Variants in PWWP2B observed in about 807,000 individuals in gnomAD.
PWWP2B encodes PWWP domain containing 2B, also known as PWWP domain-containing protein 2B.
A neutral mutation model predicts 15.5 loss-of-function variants in PWWP2B; 9 were observed. The observed-to-expected ratio is 0.58, with a 90% CI of 0.35 to 1.02. The LOEUF is 1.02. Ranked by LOEUF, PWWP2B falls within the 50% of genes least tolerant of loss-of-function variation. The pLI, the probability that PWWP2B is intolerant of heterozygous loss-of-function variation, is 0.02. For missense variants in PWWP2B, 864 were observed against 865.3 expected, an observed-to-expected ratio of 1.00 and a Z score of 0.02; for synonymous variants, 474 against 403.6, an observed-to-expected ratio of 1.17 and a Z score of -2.09.
chr10:132,415,891 T>G (rs1042154234), intron 2 of PWWP2B, among the ~76,000 whole-genome samples: 1 of 152,070 alleles, frequency 6.6e-6, no homozygotes, highest in South Asian at 2.1e-4. Context: ...TTGTTTACAG[T>G]GTTGTCACTC....
chr10:132,397,821 T>G (rs2069558629), intron 1 of PWWP2B, among the ~76,000 whole-genome samples: 1 of 151,958 alleles, frequency 6.6e-6, no homozygotes, highest in African/African-American at 2.4e-5. Context: ...AGGTTTGGAT[T>G]CGGGGAGAGC....
At chr10:132,403,509 C>T (rs1022596484) in intron 1 of PWWP2B, among the ~76,000 whole-genome samples, 3 of 152,302 alleles carry the variant, frequency 2.0e-5, no homozygotes, top group East Asian at 1.9e-4. Context: ...GCTTGTTGGG[C>T]GGGATGAGGC....
intron 2 of PWWP2B, among the ~76,000 whole-genome samples, chr10:132,408,581 C>T (rs986631275): frequency 4.6e-5 from 7 of 152,194 alleles, no homozygotes; most frequent in African/African-American, 7.2e-5. Context: ...TCCCGCCCAC[C>T]GGCCACCCTG....
intron 2 of PWWP2B, among the ~76,000 whole-genome samples, chr10:132,411,669 T>C (rs1395653620): frequency 1.3e-5 from 2 of 152,228 alleles, no homozygotes; most frequent in Non-Finnish European, 1.5e-5. Flanking sequence ...ATAAAGATAA[T>C]AATCAGGAAG....
At chr10:132,397,479 C>G (rs1252895740) in intron 1 of PWWP2B, 128 bp downstream of exon 1, 2 of 1,044,564 alleles carry the variant, frequency 1.9e-6, no homozygotes, top group African/African-American at 3.4e-5. Context: ...TCGGTTTCTG[C>G]CGAGCCTGAG....
chr10:132,413,461 C>G (rs1273439817), intron 2 of PWWP2B, among the ~76,000 whole-genome samples: 1 of 152,208 alleles, frequency 6.6e-6, no homozygotes, highest in African/African-American at 2.4e-5. Flanking sequence ...GGGTCTGGCC[C>G]TTTGGGGTAT....
intron 2 of PWWP2B, among the ~76,000 whole-genome samples, chr10:132,410,829 G>A (rs887968890): frequency 6.6e-6 from 1 of 152,198 alleles, no homozygotes; most frequent in Non-Finnish European, 1.5e-5. Context: ...CTGGTGTCCC[G>A]GCCTCTTGGG....
At chr10:132,415,234 TCACACACATCCACTCACACA>T (rs1443757163) in intron 2 of PWWP2B, among the ~76,000 whole-genome samples, 28 of 143,828 alleles carry the variant, frequency 1.9e-4, no homozygotes, top group African/African-American at 7.3e-4. Flanking sequence ...CCACTCACAC[TCACACACATCCACTCACACA>T]CACACCCGCT....
At chr10:132,411,124 G>A (rs2069774103) in intron 2 of PWWP2B, among the ~76,000 whole-genome samples, 2 of 152,152 alleles carry the variant, frequency 1.3e-5, no homozygotes, top group South Asian at 4.1e-4. Context: ...GCCTCTGGGG[G>A]TCAGGAGCTT....
intron 2 of PWWP2B, among the ~76,000 whole-genome samples, chr10:132,407,353 G>C (rs2069713836): frequency 6.6e-6 from 1 of 152,212 alleles, no homozygotes; most frequent in Admixed American, 6.5e-5. Flanking sequence ...TCCAGGGCCA[G>C]GGGCTGTACG....
intron 1 of PWWP2B, among the ~76,000 whole-genome samples, chr10:132,402,495 C>T (rs547474454): frequency 2.0e-5 from 3 of 152,390 alleles, no homozygotes; most frequent in African/African-American, 7.2e-5. Flanking sequence ...GCTCAGGGTG[C>T]CTGCGTGCAC....
intron 2 of PWWP2B, among the ~76,000 whole-genome samples, chr10:132,415,062 C>A (rs888015522): frequency 1.3e-5 from 2 of 152,242 alleles, no homozygotes; most frequent in African/African-American, 4.8e-5. Flanking sequence ...TATGTAATGA[C>A]AAGAATTCAC....
Position 132,406,180 on chromosome 10 carries a change from G to A in PWWP2B, c.1680G>A (p.Lys560=), listed in dbSNP as rs763999344. 3.7e-6 allele frequency: 6 copies of A among 1,613,434 alleles called. No homozygotes were observed. The highest frequency in any genetic ancestry group is 5.1e-6 in the Non-Finnish European group (6 of 1,180,016). Residue 560 remains lysine (K), a synonymous_variant, in exon 2 of 3, where the codon AAG becomes AAA. Coordinates refer to ENST00000305233, the MANE Select transcript of PWWP2B (RefSeq NM_138499.4). The stretch of plus-strand genomic sequence containing the variant: ...AACTGAGATTTAATCGTAAGAAGAA[G>A]GGGATGTATCGGAAAGCTATAACCG... ...FFKLRFNRKK[K]GMYRKAITEA...
At chr10:132,401,693 C>T (rs1022925179) in intron 1 of PWWP2B, among the ~76,000 whole-genome samples, 4 of 152,264 alleles carry the variant, frequency 2.6e-5, no homozygotes, top group South Asian at 2.1e-4. Flanking sequence ...GCGCCGTCCC[C>T]GTGCCTGGAG....
intron 1 of PWWP2B, among the ~76,000 whole-genome samples, chr10:132,399,071 A>T (rs11146359): frequency 0.33 from 44,277 of 132,432 alleles, 8,552 homozygotes; most frequent in East Asian, 0.44. Context: ...ATCTCCCCTG[A>T]GCCTGAGTCT....
At chr10:132,406,816 C>T (rs2069706349) in intron 2 of PWWP2B, among the ~76,000 whole-genome samples, 1 of 152,202 alleles carries the variant, frequency 6.6e-6, no homozygotes, top group Non-Finnish European at 1.5e-5. Context: ...AAGCCCCCAC[C>T]CCAACTCCCC....
intron 1 of PWWP2B, among the ~76,000 whole-genome samples, chr10:132,402,792 G>C (rs997102406): frequency 6.6e-6 from 1 of 152,274 alleles, no homozygotes; most frequent in African/African-American, 2.4e-5. Flanking sequence ...GTAAGTGAAA[G>C]TCGCCGGCTT....
At chr10:132,410,336 G>T (rs1408892461) in intron 2 of PWWP2B, among the ~76,000 whole-genome samples, 2 of 43,932 alleles carry the variant, frequency 4.6e-5, no homozygotes, top group African/African-American at 1.6e-4. Flanking sequence ...GTATTCATCG[G>T]GGGGGACCTG....
In PWWP2B at chr10:132,417,199, C is replaced by A; in HGVS notation, c.*155C>A. ...TGGTGTGAGGCCCCCCGGGGACCGG[C>A]AGTGTGTCCAGGGAGGGGATGGCCC... On this transcript the variant is annotated 3_prime_UTR_variant, in exon 3 of 3. Transcript: ENST00000305233. The A allele has an allele frequency of 9.1e-7, 1 of 1,093,800 alleles. No individual in the cohort carries two copies. Among genetic ancestry groups the A allele is most frequent in the Non-Finnish European group, 1.4e-6 (1 of 716,880 alleles). The allele number at this position is 1,093,800 out of a possible 1,614,324, so 67.8% of individuals were successfully genotyped here.
Sources: gnomAD v4.1 joint callset for allele counts (sites outside exome capture counted in the v4.1 genomes callset) on GRCh38, gnomAD v4.1.1 for gene constraint, MANE v1.5 for transcripts, NCBI Gene and HGNC (gene_info 2026-07-23, HGNC 2026-07-21) for gene names.